Variants in PDE11A observed in about 807,000 individuals in gnomAD.
The protein encoded by PDE11A is dual 3',5'-cyclic-AMP and -GMP phosphodiesterase 11A.
PDE11A carries 100 observed loss-of-function variants against 100.5 expected under a neutral mutation model. That is an observed-to-expected ratio of 1.00 (90% CI 0.85 to 1.18). The LOEUF (loss-of-function observed/expected upper bound fraction) is 1.18. Among genes scored for constraint, PDE11A ranks in the 50% most tolerant of loss-of-function variants. PDE11A has a pLI of 0.00. For synonymous variants in PDE11A, 381 were observed against 420.8 expected (o/e 0.91, Z 1.16); for missense variants, 1,141 against 1,152.6 (o/e 0.99, Z 0.15).
intron 2 of PDE11A, among the ~76,000 whole-genome samples, chr2:178,096,180 T>TTTTTTTTTTTTTTTTTTTTTC: frequency 6.8e-6 from 1 of 147,636 alleles, no homozygotes; most frequent in Admixed American, 6.7e-5. Flanking sequence ...TTTTTTTTTT[T>TTTTTTTTTTTTTTTTTTTTTC]TGAGATGGAG....
chr2:177,996,998 C>T (rs1852502), intron 2 of PDE11A, among the ~76,000 whole-genome samples: 33,840 of 152,222 alleles, frequency 0.22, 3,865 homozygotes, highest in Middle Eastern at 0.24. Context: ...AGCATCCAAA[C>T]ATATCACTGT....
At chr2:177,928,428 T>C (rs2085160420) in intron 2 of PDE11A, among the ~76,000 whole-genome samples, 1 of 152,148 alleles carries the variant, frequency 6.6e-6, no homozygotes, top group African/African-American at 2.4e-5. Flanking sequence ...AGCCCAGGTG[T>C]TCAAAGCTGC....
intron 2 of PDE11A, among the ~76,000 whole-genome samples, chr2:177,983,222 A>C (rs1574322415): frequency 6.6e-6 from 1 of 152,028 alleles, no homozygotes; most frequent in South Asian, 2.1e-4. Flanking sequence ...GTCATTTCTC[A>C]CTTTGTAATT....
chr2:177,926,896 C>T (rs1441745611), intron 2 of PDE11A: 1 of 152,112 alleles, frequency 6.6e-6, no homozygotes, highest in Non-Finnish European at 1.5e-5. Flanking sequence ...TCAATGATTA[C>T]CTGCACCATG....
At chr2:177,829,002 C>T (rs6731843) in intron 6 of PDE11A, among the ~76,000 whole-genome samples, 143,846 of 151,920 alleles carry the variant, frequency 0.95, 68,594 homozygotes, top group East Asian at 1. Context: ...TGATAGTAGG[C>T]TGGATCTCGG....
chr2:178,051,806 G>A (rs1369828106), intron 1 of PDE11A, among the ~76,000 whole-genome samples: 1 of 152,172 alleles, frequency 6.6e-6, no homozygotes, highest in Non-Finnish European at 1.5e-5. Flanking sequence ...TCAACAAGAA[G>A]AGCTAACTAT....
At chr2:177,691,812 G>A (rs2081044566) in intron 15 of PDE11A, among the ~76,000 whole-genome samples, 1 of 152,048 alleles carries the variant, frequency 6.6e-6, no homozygotes, top group Non-Finnish European at 1.5e-5. Flanking sequence ...AAGTCATTTT[G>A]TTTCTGACTA....
intron 2 of PDE11A, among the ~76,000 whole-genome samples, chr2:177,976,417 T>A (rs2085815283): frequency 8.4e-5 from 1 of 11,946 alleles, no homozygotes; most frequent in South Asian, 7.9e-3. Context: ...AATAGACCAA[T>A]AACAGGCTCT....
At chr2:177,940,236 C>A (rs928707550) in intron 2 of PDE11A, among the ~76,000 whole-genome samples, 1 of 152,014 alleles carries the variant, frequency 6.6e-6, no homozygotes, top group Non-Finnish European at 1.5e-5. Context: ...AAAACAGTAT[C>A]TTTTAAAGAT....
intron 2 of PDE11A, among the ~76,000 whole-genome samples, chr2:178,100,342 T>C (rs2087547207): frequency 6.6e-6 from 1 of 152,234 alleles, no homozygotes; most frequent in South Asian, 2.1e-4. Flanking sequence ...AAAGAATCTT[T>C]AAAATTGAGA....
intron 19 of PDE11A, among the ~76,000 whole-genome samples, chr2:177,632,439 C>T (rs1025799709): frequency 1.3e-5 from 2 of 152,184 alleles, no homozygotes; most frequent in Non-Finnish European, 2.9e-5. Flanking sequence ...CTCCTCTTAT[C>T]CATTAATTCT....
intron 1 of PDE11A, among the ~76,000 whole-genome samples, chr2:178,063,698 T>G (rs10211367): frequency 0.45 from 68,221 of 151,890 alleles, 15,570 homozygotes; most frequent in Non-Finnish European, 0.48. Context: ...GTGTATGAGA[T>G]TTTGATAAAG....
At chr2:178,000,628 T>C (rs1399747772) in intron 2 of PDE11A, among the ~76,000 whole-genome samples, 2 of 152,138 alleles carry the variant, frequency 1.3e-5, no homozygotes, top group East Asian at 3.8e-4. Context: ...AAAATGAAAA[T>C]ATTAAAGTAT....
intron 1 of PDE11A, among the ~76,000 whole-genome samples, chr2:178,030,966 TA>T (rs71010851): frequency 0.055 from 8,421 of 152,074 alleles, 293 homozygotes; most frequent in South Asian, 0.086. Context: ...AGACAATACA[TA>T]AAAAAAGATC....
chr2:177,809,707 A>G (rs1040610257), intron 9 of PDE11A, among the ~76,000 whole-genome samples: 3 of 152,144 alleles, frequency 2.0e-5, no homozygotes, highest in African/African-American at 4.8e-5. Context: ...AGGGAAGGGA[A>G]GAAGCTCAGA....
At chr2:178,100,910 T>G (rs1401195979) in intron 2 of PDE11A, among the ~76,000 whole-genome samples, 1 of 152,178 alleles carries the variant, frequency 6.6e-6, no homozygotes, top group Non-Finnish European at 1.5e-5. Context: ...ATTGTGCTTA[T>G]AACAGGATAA....
intron 19 of PDE11A, among the ~76,000 whole-genome samples, chr2:177,652,129 C>T (rs754385890): frequency 1.3e-5 from 2 of 152,206 alleles, no homozygotes; most frequent in Non-Finnish European, 2.9e-5. Flanking sequence ...TAACAACACA[C>T]ACACACTGCT....
At chr2:177,703,863 C>T (rs2081238194) in intron 13 of PDE11A, among the ~76,000 whole-genome samples, 1 of 152,164 alleles carries the variant, frequency 6.6e-6, no homozygotes, top group South Asian at 2.1e-4. Context: ...AGGATGGAGG[C>T]CTCTCTCCCA....
intron 5 of PDE11A, among the ~76,000 whole-genome samples, chr2:177,842,276 G>T (rs2083504291): frequency 6.6e-6 from 1 of 152,176 alleles, no homozygotes; most frequent in African/African-American, 2.4e-5. Flanking sequence ...GTTGGGTAGG[G>T]TGGGGCTCAA....
Sources: gnomAD v4.1 joint callset for allele counts (sites outside exome capture counted in the v4.1 genomes callset) on GRCh38, gnomAD v4.1.1 for gene constraint, MANE v1.5 for transcripts, NCBI Gene and HGNC (gene_info 2026-07-23, HGNC 2026-07-21) for gene names.